CENPW: variants seen among roughly 807,000 people sequenced by gnomAD.
CENPW encodes cancer-up-regulated gene 2 protein.
In CENPW, 3 loss-of-function variants were observed where a neutral mutation model predicts 11.1. That is an observed-to-expected ratio of 0.27 (90% CI 0.12 to 0.70). CENPW has a LOEUF of 0.70. Among genes scored for constraint, CENPW ranks in the 30% least tolerant of loss-of-function variants. The pLI is 0.77. For missense variants in CENPW, 100 were observed against 105.6 expected (o/e 0.95, Z 0.23); for synonymous variants, 38 against 42.0 (o/e 0.91, Z 0.37).
the CENPW span, among the ~76,000 whole-genome samples, chr6:126,371,093 C>G: frequency 6.6e-6 from 1 of 152,144 alleles, no homozygotes; most frequent in Non-Finnish European, 1.5e-5. Context: ...TTCCTCTTGT[C>G]TGATTGCTCT....
At chr6:126,385,890 T>C in the CENPW span, among the ~76,000 whole-genome samples, 1 of 152,232 alleles carries the variant, frequency 6.6e-6, no homozygotes, top group East Asian at 1.9e-4. Context: ...CAGTTCTTTA[T>C]AGCAATATGA....
At chr6:126,380,202 G>A in the CENPW span, among the ~76,000 whole-genome samples, 7 of 152,316 alleles carry the variant, frequency 4.6e-5, no homozygotes, top group African/African-American at 1.7e-4. Context: ...GCTGGAATAA[G>A]GCTGCCATAG....
At chr6:126,406,894 A>G in the CENPW span, among the ~76,000 whole-genome samples, 1 of 152,032 alleles carries the variant, frequency 6.6e-6, no homozygotes, top group African/African-American at 2.4e-5. Flanking sequence ...CAATGAAACC[A>G]TTCAGTCCTG....
the CENPW span, among the ~76,000 whole-genome samples, chr6:126,454,045 A>G: frequency 6.6e-6 from 1 of 151,488 alleles, no homozygotes; most frequent in Non-Finnish European, 1.5e-5. Context: ...TATATGCATG[A>G]GCACAGGAGC....
At chr6:126,480,208 G>A in the CENPW span, among the ~76,000 whole-genome samples, 1 of 151,786 alleles carries the variant, frequency 6.6e-6, no homozygotes, top group South Asian at 2.1e-4. Context: ...AAATGAAATA[G>A]GAATAATGTT....
chr6:126,434,055 A>G, the CENPW span, among the ~76,000 whole-genome samples: 2 of 152,136 alleles, frequency 1.3e-5, no homozygotes, highest in African/African-American at 4.8e-5. Context: ...ATTTTCTTCC[A>G]AGATAGGCAA....
At chr6:126,452,333 T>G in the CENPW span, among the ~76,000 whole-genome samples, 2 of 151,092 alleles carry the variant, frequency 1.3e-5, no homozygotes, top group East Asian at 1.9e-4. Context: ...GGACAGAAAT[T>G]TAAACATCTT....
chr6:126,401,621 G>A, the CENPW span, among the ~76,000 whole-genome samples: 1 of 151,790 alleles, frequency 6.6e-6, no homozygotes, highest in South Asian at 2.1e-4. Context: ...TGTGCCTTGA[G>A]GGTTGTTGCC....
the CENPW span, among the ~76,000 whole-genome samples, chr6:126,367,990 T>C: frequency 6.6e-6 from 1 of 152,334 alleles, no homozygotes; most frequent in African/African-American, 2.4e-5. Context: ...TGTTAAGATA[T>C]GTTATGAGAA....
chr6:126,435,101 A>G, the CENPW span, among the ~76,000 whole-genome samples: 6 of 152,012 alleles, frequency 3.9e-5, no homozygotes, highest in Admixed American at 2.0e-4. Flanking sequence ...CAATTGGTTA[A>G]CATTCTCCTT....
At chr6:126,394,177 T>C in the CENPW span, among the ~76,000 whole-genome samples, 6 of 151,136 alleles carry the variant, frequency 4.0e-5, no homozygotes, top group Non-Finnish European at 7.4e-5. Context: ...CGTTATTTGC[T>C]CTCTGGATGT....
At chr6:126,373,308 C>A in the CENPW span, among the ~76,000 whole-genome samples, 1 of 152,170 alleles carries the variant, frequency 6.6e-6, no homozygotes, top group Non-Finnish European at 1.5e-5. Flanking sequence ...CATTAAAACA[C>A]ATTCTGTGTC....
chr6:126,382,086 A>G, the CENPW span, among the ~76,000 whole-genome samples: 1 of 151,916 alleles, frequency 6.6e-6, no homozygotes, highest in Non-Finnish European at 1.5e-5. Context: ...ATACAAAAAC[A>G]AAACAACAAT....
the CENPW span, among the ~76,000 whole-genome samples, chr6:126,397,857 C>T: frequency 6.6e-6 from 1 of 152,194 alleles, no homozygotes; most frequent in Non-Finnish European, 1.5e-5. Context: ...TCTGTTGACT[C>T]AGAGCCTTTT....
chr6:126,371,899 CTTT>C, the CENPW span, among the ~76,000 whole-genome samples: 3 of 151,708 alleles, frequency 2.0e-5, no homozygotes. Context: ...CAATCTTTTT[CTTT>C]TTTCTTTTTC....
chr6:126,340,240 C>G lies in CENPW; in HGVS notation c.-34C>G, dbSNP rs1301022340. On this transcript the variant is annotated 5_prime_UTR_variant, in exon 1 of 3. Coordinates refer to ENST00000368328, the MANE Select transcript of CENPW (RefSeq NM_001012507.4). ...CTTGTGTGCGATACAGAGAGCACCT[C>G]GGAAGCTGAGGCAGCTGGTACTTGA... is the stretch of plus-strand genomic sequence containing the variant. The G allele has an allele frequency of 6.2e-7, 1 of 1,608,376 alleles. No homozygotes were observed. Among genetic ancestry groups the G allele is most frequent in the South Asian group, 1.1e-5 (1 of 90,706 alleles).
chr6:126,360,981 G>A, the CENPW span, among the ~76,000 whole-genome samples: 1 of 152,094 alleles, frequency 6.6e-6, no homozygotes, highest in Non-Finnish European at 1.5e-5. Flanking sequence ...GAGGTTAAGG[G>A]GACATTCTGA....
the CENPW span, among the ~76,000 whole-genome samples, chr6:126,379,701 C>T: frequency 6.6e-6 from 1 of 152,120 alleles, no homozygotes; most frequent in Non-Finnish European, 1.5e-5. Context: ...TTACGTATAA[C>T]TGGTAAAAAC....
chr6:126,433,659 T>C, the CENPW span, among the ~76,000 whole-genome samples: 15 of 152,148 alleles, frequency 9.9e-5, no homozygotes, highest in Non-Finnish European at 5.9e-5. Context: ...GAAAGAAATT[T>C]AAATATATAT....
Sources: gnomAD v4.1 joint callset for allele counts (sites outside exome capture counted in the v4.1 genomes callset) on GRCh38, gnomAD v4.1.1 for gene constraint, MANE v1.5 for transcripts, NCBI Gene and HGNC (gene_info 2026-07-23, HGNC 2026-07-21) for gene names.